The following VPS37C variants were observed in gnomAD, a reference collection of about 807,000 sequenced individuals.
VPS37C encodes the protein vacuolar protein sorting-associated protein 37C.
In VPS37C, 9 loss-of-function variants were observed where a neutral mutation model predicts 16.1. The observed-to-expected ratio is 0.56, with a 90% CI of 0.34 to 0.97. The LOEUF is 0.97. Ranked by LOEUF, VPS37C falls within the 50% of genes least tolerant of loss-of-function variation. The pLI is 0.02. For missense variants in VPS37C, 479 were observed against 472.7 expected, an observed-to-expected ratio of 1.01 and a Z score of -0.12; for synonymous variants, 207 against 206.4, an observed-to-expected ratio of 1.00 and a Z score of -0.02.
At chr11:61,151,538 G>A (rs1448004779) in intron 1 of VPS37C, among the ~76,000 whole-genome samples, 1 of 152,172 alleles carries the variant, frequency 6.6e-6, no homozygotes, top group Non-Finnish European at 1.5e-5. Context: ...TCTTCTATAA[G>A]ATGGAGCTTT....
chr11:61,147,164 GA>G (rs1428715633), intron 1 of VPS37C, among the ~76,000 whole-genome samples: 1 of 152,180 alleles, frequency 6.6e-6, no homozygotes, highest in Non-Finnish European at 1.5e-5. Context: ...ACAGATCACA[GA>G]AAAGGGGGTG....
intron 1 of VPS37C, among the ~76,000 whole-genome samples, chr11:61,146,113 G>A (rs1050620648): frequency 2.6e-5 from 4 of 152,350 alleles, no homozygotes; most frequent in Non-Finnish European, 4.4e-5. Flanking sequence ...GAGACAGGAA[G>A]GAGAGAACAA....
rs767436201 is a variant in VPS37C at position 61,138,898 on chromosome 11, T to C, written c.-6-63A>G. The C allele has an allele frequency of 4.9e-5, 72 of 1,475,222 alleles. No homozygotes were observed. In the Admixed American group the frequency reaches 1.2e-3, roughly 24 times the overall value. 91.4% of individuals were successfully genotyped at this position (1,475,222 alleles called of 1,614,324 possible). On this transcript the variant is annotated intron_variant, in intron 1 of 4. Transcript: ENST00000301765. ...CCCAAGACGAAGGGACCCCCGAGCCTGTACATATGATTTATCAAAAACAAA... is the reference window on the plus strand; with the variant it reads ...CCCAAGACGAAGGGACCCCCGAGCCCGTACATATGATTTATCAAAAACAAA...
intron 1 of VPS37C, 26 bp from the exon 2 acceptor site, chr11:61,138,861 A>C (rs371874988): frequency 1.1e-4 from 176 of 1,609,504 alleles, no homozygotes; most frequent in Middle Eastern, 9.9e-4. Context: ...CACCAAAGTA[A>C]CGAACAGGCA....
chr11:61,151,195 C>T (rs376481288), intron 1 of VPS37C, among the ~76,000 whole-genome samples: 1 of 152,206 alleles, frequency 6.6e-6, no homozygotes, highest in Non-Finnish European at 1.5e-5. Flanking sequence ...CTCTGGGGAC[C>T]AACTTCATCA....
In VPS37C at chr11:61,133,074, C is replaced by G. The variant is rs1488950944; in HGVS notation, c.348+181G>C. Reference sequence around the variant, plus strand: ...CCCGTTTCTGCTTCAGCTAGTGGGACTGGGTTCCTGTTATTTATACCCAAA... The same window carrying G: ...CCCGTTTCTGCTTCAGCTAGTGGGAGTGGGTTCCTGTTATTTATACCCAAA... On this transcript the variant is annotated intron_variant, in intron 4 of 4. Transcript: ENST00000301765. 4 of 723,466 alleles carry G rather than the reference C, an allele frequency of 5.5e-6. 1 individual carries two copies. The South Asian group carries it at 6.0e-5, about 11-fold the overall frequency. The allele number at this position is 723,466 out of a possible 1,614,324, so 44.8% of individuals were successfully genotyped here.
intron 1 of VPS37C, chr11:61,145,160 A>C (rs1185608975): frequency 6.6e-6 from 1 of 152,246 alleles, no homozygotes; most frequent in African/African-American, 2.4e-5. Flanking sequence ...CTAGTATGTA[A>C]AGCCAGCATG....
At position 61,138,752 on chromosome 11, in the gene VPS37C, G is replaced by A. The variant is rs111460543; in HGVS notation, c.78C>T (p.Ala26=). 6.2e-7 allele frequency: 1 copy of A among 1,613,990 alleles called. No homozygotes were observed. The highest frequency in any genetic ancestry group is 1.1e-5 in the South Asian group (1 of 91,070). The change falls in exon 2 of 5, where the codon GCC becomes GCT. Residue 26 remains alanine (A), a synonymous_variant. Coordinates refer to ENST00000301765, the MANE Select transcript of VPS37C (RefSeq NM_017966.5). Reference sequence around the variant, plus strand: ...CTCCCTCTACCTCAGGGGACTCCAGGGCCAGCTGGTCAATCGCCTCCGAGT... The same window carrying A: ...CTCCCTCTACCTCAGGGGACTCCAGAGCCAGCTGGTCAATCGCCTCCGAGT... The part of the protein sequence containing the change: ...QNDSEAIDQL[A]LESPEVQDLQ...
chr11:61,155,561 CAA>C (rs1235646344), intron 1 of VPS37C, among the ~76,000 whole-genome samples: 1 of 151,340 alleles, frequency 6.6e-6, no homozygotes, highest in Non-Finnish European at 1.5e-5. Flanking sequence ...ACAATGCAAG[CAA>C]AAGACACTGG....
At chr11:61,147,898 A>T (rs570409470) in intron 1 of VPS37C, among the ~76,000 whole-genome samples, 2 of 152,234 alleles carry the variant, frequency 1.3e-5, no homozygotes, top group African/African-American at 4.8e-5. Flanking sequence ...TTGAAAACAG[A>T]TGCCTTGAGT....
intron 1 of VPS37C, among the ~76,000 whole-genome samples, chr11:61,160,168 T>C (rs1853448205): frequency 6.6e-6 from 1 of 152,190 alleles, no homozygotes; most frequent in Non-Finnish European, 1.5e-5. Context: ...AATGTTCTAC[T>C]TAATGGAAAT....
chr11:61,137,833 T>C (rs1015645667), intron 2 of VPS37C, among the ~76,000 whole-genome samples: 2 of 152,040 alleles, frequency 1.3e-5, no homozygotes, highest in Non-Finnish European at 2.9e-5. Flanking sequence ...ACTTAGGCAG[T>C]AGAGCAGGCA....
intron 4 of VPS37C, 169 bp downstream of exon 4, chr11:61,133,086 T>C: frequency 1.3e-6 from 1 of 759,144 alleles, no homozygotes; most frequent in Non-Finnish European, 2.3e-6. Flanking sequence ...GGGTTCCTGT[T>C]ATTTATACCC....
At chr11:61,145,403 G>A (rs947255640) in intron 1 of VPS37C, 3 of 152,328 alleles carry the variant, frequency 2.0e-5, no homozygotes, top group Non-Finnish European at 4.4e-5. Flanking sequence ...CCCTGCCTCC[G>A]GGTTGGGGAC....
chr11:61,146,063 T>C (rs1853202932), intron 1 of VPS37C, among the ~76,000 whole-genome samples: 1 of 152,216 alleles, frequency 6.6e-6, no homozygotes, highest in African/African-American at 2.4e-5. Context: ...GCAGACTGGC[T>C]GTCAGATAGC....
chr11:61,160,618 A>T (rs1208402089), intron 1 of VPS37C, among the ~76,000 whole-genome samples: 1 of 152,198 alleles, frequency 6.6e-6, no homozygotes, highest in Non-Finnish European at 1.5e-5. Flanking sequence ...TGTAGCTGGG[A>T]AAGCACTGCC....
In VPS37C at chr11:61,134,183, C is replaced by G. The variant is rs779571279; in HGVS notation, c.118G>C (p.Glu40Gln). 1 of 1,613,828 alleles carries G rather than the reference C, an allele frequency of 6.2e-7. No homozygotes were observed. Among genetic ancestry groups the G allele is most frequent in the Admixed American group, 1.7e-5 (1 of 60,014 alleles). The change falls in exon 3 of 5, where the codon GAG becomes CAG. Residue 40 changes from glutamate to glutamine, a missense_variant. Physicochemically the swap from Glu to Gln is conservative, Grantham distance 29. Coordinates refer to ENST00000301765, the MANE Select transcript of VPS37C (RefSeq NM_017966.5). ...PEVQDLQLER[E>Q]MALATNRSLA... ...CTCCGGTTGGTGGCCAGTGCCATCT[C>G]CCGTTCCAGCTGTAGGTCCTGGACC...
chr11:61,156,414 C>T lies in VPS37C; in HGVS notation c.-7+4977G>A, dbSNP rs181961115. Among the ~76,000 whole-genome samples, 4 of 152,230 alleles carry T rather than the reference C, an allele frequency of 2.6e-5. No homozygotes were observed. The East Asian group carries it at 7.7e-4, about 29-fold the overall frequency. Reference sequence around the variant, plus strand: ...CCTAGCCAACATGGTGAAATCCCGTCTCTACTAAAAATACCAAAAAATTAG... The same window carrying T: ...CCTAGCCAACATGGTGAAATCCCGTTTCTACTAAAAATACCAAAAAATTAG... On this transcript the variant is annotated intron_variant, in intron 1 of 4. Transcript: ENST00000301765.
rs763115048 is a variant in VPS37C, at chr11:61,134,070, G to A, written c.231C>T (p.Leu77=). The part of the protein sequence containing the change: ...LSDRYQELRK[L]VERCQEQKAK... ...CCTTCTGCTCCTGGCACCGCTCCAC[G>A]AGCTTCCGGAGCTCCTGGTATCTAT... The change falls in exon 3 of 5, where the codon CTC becomes CTT. Residue 77 remains leucine, a synonymous_variant. Transcript: ENST00000301765. 4.2e-5 allele frequency: 68 copies of A among 1,612,932 alleles called. 1 individual carries two copies. Among genetic ancestry groups the A allele is most frequent in the South Asian group, 1.5e-4 (14 of 91,064 alleles).
Sources: allele counts gnomAD v4.1 joint callset (sites outside exome capture counted in the v4.1 genomes callset), GRCh38; gene constraint gnomAD v4.1.1; transcripts MANE v1.5; gene names NCBI Gene and HGNC (gene_info 2026-07-23, HGNC 2026-07-21).